The following TBX15 variants were observed in gnomAD, a reference collection of about 807,000 sequenced individuals.
TBX15 encodes the protein T-box transcription factor TBX15.
A neutral mutation model predicts 53.9 loss-of-function variants in TBX15; 18 were observed. The observed-to-expected ratio is 0.33, with a 90% confidence interval of 0.23 to 0.49. The LOEUF is 0.49. TBX15 is among the 20% of genes least tolerant of loss of function. The pLI is 0.98. For missense variants in TBX15, 692 were observed against 749.5 expected (o/e 0.92, Z 0.90); for synonymous variants, 295 against 278.0 (o/e 1.06, Z -0.61).
chr1:118,938,769 CTA>C (rs1158474118), intron 1 of TBX15, among the ~76,000 whole-genome samples: 1 of 152,046 alleles, frequency 6.6e-6, no homozygotes, highest in Non-Finnish European at 1.5e-5. Flanking sequence ...GGGTTTTTTC[CTA>C]TGTTTATTGT....
intron 3 of TBX15, 110 bp downstream of exon 3, chr1:118,926,400 C>T: frequency 1.0e-6 from 1 of 994,530 alleles, no homozygotes; most frequent in Non-Finnish European, 1.6e-6. Context: ...GTCTCCATTC[C>T]TTGTTCTCTG....
intron 1 of TBX15, among the ~76,000 whole-genome samples, chr1:118,933,619 C>G (rs1285145657): frequency 6.6e-6 from 1 of 152,154 alleles, no homozygotes; most frequent in Non-Finnish European, 1.5e-5. Context: ...AGTGACAAAT[C>G]TATATCCTAG....
intron 7 of TBX15, among the ~76,000 whole-genome samples, chr1:118,888,843 G>GT (rs1185351681): frequency 6.6e-6 from 1 of 151,696 alleles, no homozygotes; most frequent in Non-Finnish European, 1.5e-5. Context: ...ACTCTAAATG[G>GT]TTTTCTCTGA....
chr1:118,931,066 T>C (rs1010153277), intron 2 of TBX15, among the ~76,000 whole-genome samples: 2 of 152,204 alleles, frequency 1.3e-5, no homozygotes, highest in Non-Finnish European at 2.9e-5. Context: ...AGAAGCTGTG[T>C]TTTTAAAATT....
chr1:118,971,818 G>A (rs1348055179), intron 1 of TBX15, among the ~76,000 whole-genome samples: 1 of 152,182 alleles, frequency 6.6e-6, no homozygotes, highest in Non-Finnish European at 1.5e-5. Flanking sequence ...AACAGTTAAT[G>A]TCAATCTAAT....
At chr1:118,914,598 A>G (rs1655138956) in intron 5 of TBX15, among the ~76,000 whole-genome samples, 1 of 152,218 alleles carries the variant, frequency 6.6e-6, no homozygotes, top group African/African-American at 2.4e-5. Flanking sequence ...ATAATTAATA[A>G]TGGACTCAGT....
intron 1 of TBX15, among the ~76,000 whole-genome samples, chr1:118,964,534 A>G (rs1656979086): frequency 6.6e-6 from 1 of 152,220 alleles, no homozygotes; most frequent in Admixed American, 6.5e-5. Flanking sequence ...TCCTCCTTGA[A>G]AACTTCCAGG....
chr1:118,913,969 T>C (rs1655107231), intron 6 of TBX15, 146 bp downstream of exon 6: 1 of 756,740 alleles, frequency 1.3e-6, no homozygotes, highest in Non-Finnish European at 2.3e-6. Flanking sequence ...ATTCTTACGT[T>C]AGCTATCCAT....
chr1:118,940,876 C>A (rs79203417), intron 1 of TBX15, among the ~76,000 whole-genome samples: 2,170 of 151,926 alleles, frequency 0.014, 97 homozygotes, highest in African/African-American at 0.049. Flanking sequence ...GATGAACACA[C>A]AGACAGTGCA....
chr1:118,884,633 C>G lies in TBX15; in HGVS notation c.*99G>C. 2 of 1,194,614 alleles carry G rather than the reference C, an allele frequency of 1.7e-6. No homozygotes were observed. The highest frequency in any genetic ancestry group is 2.4e-6 in the Non-Finnish European group (2 of 837,226). 74.0% of individuals were successfully genotyped at this position (1,194,614 alleles called of 1,614,324 possible). ...AAAAAAAAAAAAAAAAAACACGGTT[C>G]CTGTTTTTCAAAGACACTGGACTCC... On this transcript the variant is annotated 3_prime_UTR_variant, in exon 8 of 8. Coordinates refer to ENST00000369429, the MANE Select transcript of TBX15 (RefSeq NM_001330677.2).
intron 1 of TBX15, among the ~76,000 whole-genome samples, chr1:118,949,268 A>G (rs1188592208): frequency 2.0e-5 from 3 of 152,236 alleles, no homozygotes; most frequent in African/African-American, 7.2e-5. Context: ...ACATGCTTTC[A>G]GGAAATAAAA....
At chr1:118,932,298 A>G (rs1655820386) in intron 1 of TBX15, among the ~76,000 whole-genome samples, 1 of 152,236 alleles carries the variant, frequency 6.6e-6, no homozygotes, top group Non-Finnish European at 1.5e-5. Flanking sequence ...ACCACTCAGC[A>G]TCACTGCCTG....
At chr1:118,914,898 C>T (rs1331262429) in intron 5 of TBX15, among the ~76,000 whole-genome samples, 1 of 152,204 alleles carries the variant, frequency 6.6e-6, no homozygotes, top group Non-Finnish European at 1.5e-5. Flanking sequence ...TTTCATAAGG[C>T]TGACCAAGCT....
chr1:118,958,652 C>T (rs1656771284), intron 1 of TBX15, among the ~76,000 whole-genome samples: 1 of 152,102 alleles, frequency 6.6e-6, no homozygotes, highest in South Asian at 2.1e-4. Flanking sequence ...ACCACAATAT[C>T]CTTCCATATT....
chr1:118,957,372 A>G (rs1319277834), intron 1 of TBX15, among the ~76,000 whole-genome samples: 3 of 152,228 alleles, frequency 2.0e-5, no homozygotes, highest in Non-Finnish European at 4.4e-5. Flanking sequence ...GGGCAGGACC[A>G]GGACTGGAGT....
chr1:118,949,141 G>C (rs1409154), intron 1 of TBX15, among the ~76,000 whole-genome samples: 46,346 of 151,980 alleles, frequency 0.3, 8,565 homozygotes, highest in East Asian at 0.57. Flanking sequence ...TTAGTGATGT[G>C]TTTCATGGAC....
At chr1:118,899,313 T>G (rs528924910) in intron 6 of TBX15, among the ~76,000 whole-genome samples, 188 bp from the exon 7 acceptor site, 2 of 152,100 alleles carry the variant, frequency 1.3e-5, no homozygotes, top group South Asian at 4.1e-4. Context: ...GAATAACAAA[T>G]TAACCCAATT....
chr1:118,952,150 G>A (rs1656536191), intron 1 of TBX15, among the ~76,000 whole-genome samples: 4 of 152,256 alleles, frequency 2.6e-5, no homozygotes, highest in African/African-American at 9.6e-5. Flanking sequence ...TTAATGAACA[G>A]TAAATATATT....
chr1:118,885,624 T>C, intron 7 of TBX15, 108 bp from the exon 8 acceptor site: 7 of 1,379,662 alleles, frequency 5.1e-6, no homozygotes, highest in Non-Finnish European at 7.0e-6. Context: ...AAGATAGGGC[T>C]GATTTTTACA....
Sources: gnomAD v4.1 joint callset for allele counts (sites outside exome capture counted in the v4.1 genomes callset) on GRCh38, gnomAD v4.1.1 for gene constraint, MANE v1.5 for transcripts, NCBI Gene and HGNC (gene_info 2026-07-23, HGNC 2026-07-21) for gene names.